SLC37A3: variants seen among roughly 807,000 people sequenced by gnomAD.
The protein encoded by SLC37A3 is solute carrier family 37 member 3.
In SLC37A3, 51 loss-of-function variants were observed where a neutral mutation model predicts 67.1. The observed-to-expected ratio is 0.76, with a 90% CI of 0.61 to 0.96. SLC37A3 has a LOEUF of 0.96. SLC37A3 is among the 40% of genes least tolerant of loss of function. The pLI is 0.00. For missense variants in SLC37A3, 508 were observed against 603.0 expected (o/e 0.84, Z 1.65); for synonymous variants, 214 against 231.4 (o/e 0.92, Z 0.68).
intron 4 of SLC37A3, among the ~76,000 whole-genome samples, chr7:140,366,504 AT>A (rs2117185125): frequency 6.6e-6 from 1 of 152,190 alleles, no homozygotes; most frequent in African/African-American, 2.4e-5. Context: ...ATGACCATTG[AT>A]TTTTCATGGC....
chr7:140,366,105 A>G (rs1297195072), intron 4 of SLC37A3, among the ~76,000 whole-genome samples: 5 of 151,494 alleles, frequency 3.3e-5, no homozygotes, highest in Non-Finnish European at 5.9e-5. Flanking sequence ...GTTTTTTTAG[A>G]GATGGGTTCT....
chr7:140,368,435 C>T lies in SLC37A3; in HGVS notation c.291+1155G>A, dbSNP rs185098095. 3.8e-3 allele frequency among the ~76,000 whole-genome samples: 584 copies of T among 152,104 alleles called. 4 individuals are homozygous for T. The highest frequency in any genetic ancestry group is 0.013 in the African/African-American group (555 of 41,502). Reference sequence around the variant, plus strand: ...ACACAAAATTAGCCGGGCGTGGTGGCGCATGCCTGCAATCCCAGCTACTCA... The same window carrying T: ...ACACAAAATTAGCCGGGCGTGGTGGTGCATGCCTGCAATCCCAGCTACTCA... On this transcript the variant is annotated intron_variant, in intron 4 of 14. Coordinates refer to ENST00000326232, the MANE Select transcript of SLC37A3 (RefSeq NM_207113.3).
At chr7:140,346,968 T>C (rs1328036332) in intron 10 of SLC37A3, among the ~76,000 whole-genome samples, 1 of 151,632 alleles carries the variant, frequency 6.6e-6, no homozygotes, top group Non-Finnish European at 1.5e-5. Context: ...TTACAGTATA[T>C]TGAGGCCAGT....
intron 8 of SLC37A3, 114 bp from the exon 9 acceptor site, chr7:140,351,565 C>T (rs1796802645): frequency 2.7e-6 from 3 of 1,130,072 alleles, no homozygotes; most frequent in East Asian, 2.5e-5. Context: ...ACAGAAGCAG[C>T]AACGAAGGTC....
chr7:140,387,421 C>G (rs1208440668), intron 1 of SLC37A3, among the ~76,000 whole-genome samples: 1 of 151,362 alleles, frequency 6.6e-6, no homozygotes, highest in Non-Finnish European at 1.5e-5. Flanking sequence ...CGAGACCAGC[C>G]TGGCCAATGT....
intron 10 of SLC37A3, among the ~76,000 whole-genome samples, chr7:140,347,920 C>A (rs1023016985): frequency 3.8e-4 from 58 of 152,134 alleles, no homozygotes; most frequent in African/African-American, 1.4e-3. Flanking sequence ...TCCATGACCC[C>A]CGTGGATACC....
chr7:140,355,645 C>A, intron 7 of SLC37A3, 23 bp downstream of exon 7: 1 of 1,588,298 alleles, frequency 6.3e-7, no homozygotes, highest in African/African-American at 1.3e-5. Context: ...GAGAGAGCAC[C>A]AGAGCTAGAA....
At chr7:140,390,884 C>G (rs1798701639) in intron 1 of SLC37A3, among the ~76,000 whole-genome samples, 2 of 152,200 alleles carry the variant, frequency 1.3e-5, no homozygotes, top group Admixed American at 6.5e-5. Flanking sequence ...CCATCCCCCT[C>G]CTGTCCTCAT....
At chr7:140,364,165 C>T (rs1371226434) in intron 5 of SLC37A3, among the ~76,000 whole-genome samples, 2 of 151,620 alleles carry the variant, frequency 1.3e-5, no homozygotes, top group Non-Finnish European at 2.9e-5. Context: ...GCAGCAGAAT[C>T]GCTTGAACAT....
intron 5 of SLC37A3, among the ~76,000 whole-genome samples, chr7:140,362,506 A>C (rs1261584945): frequency 2.9e-5 from 4 of 137,924 alleles, no homozygotes; most frequent in African/African-American, 1.1e-4. Flanking sequence ...CCGGGAAGTG[A>C]GGACCCCTCT....
chr7:140,335,146 C>A lies in SLC37A3; in HGVS notation c.*266G>T. 7.3e-7 allele frequency: 1 copy of A among 1,369,110 alleles called. No individual in the cohort carries two copies. Among genetic ancestry groups the A allele is most frequent in the Non-Finnish European group, 1.0e-6 (1 of 1,002,306 alleles). The allele number at this position is 1,369,110 out of a possible 1,614,324, so 84.8% of individuals were successfully genotyped here. On this transcript the variant is annotated 3_prime_UTR_variant, in exon 15 of 15. Coordinates refer to ENST00000326232, the MANE Select transcript of SLC37A3 (RefSeq NM_207113.3). ...GGCCAAACAAAGACGCGGGCAGAGT[C>A]AGAGGTCAAAGATGCTGGCAGAGTC...
At position 140,396,740 on chromosome 7, in the gene SLC37A3, A is replaced by G. The variant is rs1478878875; in HGVS notation, c.-71+1676T>C. Among the ~76,000 whole-genome samples, 2 of 152,186 alleles carry G rather than the reference A, an allele frequency of 1.3e-5. 1 individual carries two copies. The highest frequency in any genetic ancestry group is 1.3e-4 in the Admixed American group (2 of 15,262). On this transcript the variant is annotated intron_variant, in intron 1 of 14. Coordinates refer to ENST00000326232, the MANE Select transcript of SLC37A3 (RefSeq NM_207113.3). ...AAGATACTGTTGACTTAACTTTTATAAAAGTATTGTTTCCGGGTCACCTTC... is the reference window on the plus strand; with the variant it reads ...AAGATACTGTTGACTTAACTTTTATGAAAGTATTGTTTCCGGGTCACCTTC...
intron 10 of SLC37A3, chr7:140,348,417 G>T: frequency 4.0e-6 from 2 of 494,350 alleles, no homozygotes; most frequent in Non-Finnish European, 6.7e-6. Context: ...CTTAGGCTAG[G>T]TCTTCCTTTC....
chr7:140,348,531 G>C, intron 10 of SLC37A3, 95 bp downstream of exon 10: 1 of 1,332,136 alleles, frequency 7.5e-7, no homozygotes, highest in Non-Finnish European at 1.0e-6. Context: ...TGTAGAATAA[G>C]TAATAAAACT....
intron 5 of SLC37A3, among the ~76,000 whole-genome samples, chr7:140,361,811 C>A (rs372378832): frequency 7.0e-6 from 1 of 142,638 alleles, no homozygotes; most frequent in Non-Finnish European, 1.5e-5. Flanking sequence ...CTCGGCCTCC[C>A]GAGGTGCCGG....
intron 5 of SLC37A3, among the ~76,000 whole-genome samples, chr7:140,360,654 A>G (rs1036732230): frequency 6.6e-6 from 1 of 151,278 alleles, no homozygotes; most frequent in African/African-American, 2.4e-5. Flanking sequence ...GAATGGCTTG[A>G]ATCTGGGAAG....
chr7:140,343,278 C>T (rs1231589677), intron 13 of SLC37A3, 134 bp downstream of exon 13: 8 of 1,223,430 alleles, frequency 6.5e-6, no homozygotes, highest in South Asian at 2.6e-5. Flanking sequence ...TGAGGGGAGA[C>T]GGAAGTCCTT....
chr7:140,356,229 AT>A (rs1327795809), intron 6 of SLC37A3, among the ~76,000 whole-genome samples: 2 of 152,062 alleles, frequency 1.3e-5, no homozygotes, highest in Non-Finnish European at 2.9e-5. Flanking sequence ...AATCCAGAAT[AT>A]AAGGCCCTCA....
rs1797768445 is a variant in SLC37A3, at chr7:140,370,180, G to C, written c.199-498C>G. On this transcript the variant is annotated intron_variant, in intron 3 of 14. Transcript: ENST00000326232. ...TTTTTTGCTTTTATTATTTTTAATT[G>C]ACACATAGTAATTGTACATATTGAG... is the stretch of plus-strand genomic sequence containing the variant. Among the ~76,000 whole-genome samples the C allele has an allele frequency of 8.8e-5, 13 of 148,220 alleles. 1 individual carries two copies. In the Admixed American group the frequency reaches 8.8e-4, roughly 10 times the overall value.
Sources: gnomAD v4.1 joint callset for allele counts (sites outside exome capture counted in the v4.1 genomes callset) on GRCh38, gnomAD v4.1.1 for gene constraint, MANE v1.5 for transcripts, NCBI Gene and HGNC (gene_info 2026-07-23, HGNC 2026-07-21) for gene names.